DCAF6: variants seen among roughly 807,000 people sequenced by gnomAD.
DCAF6 encodes DDB1 and CUL4 associated factor 6, also known as DDB1- and CUL4-associated factor 6.
A neutral mutation model predicts 125.1 loss-of-function variants in DCAF6; 54 were observed. That is an observed-to-expected ratio of 0.43 (90% confidence interval 0.35 to 0.54). The LOEUF (loss-of-function observed/expected upper bound fraction) is 0.54. DCAF6 is among the 20% of genes least tolerant of loss of function. The pLI is 0.01. For missense variants in DCAF6, 934 were observed against 1,161.7 expected (o/e 0.80, Z 2.85); for synonymous variants, 371 against 390.4 (o/e 0.95, Z 0.58).
At chr1:167,971,103 G>A (rs1677234448) in intron 3 of DCAF6, among the ~76,000 whole-genome samples, 1 of 152,086 alleles carries the variant, frequency 6.6e-6, no homozygotes, top group Non-Finnish European at 1.5e-5. Context: ...GTGTGCTTTT[G>A]CTTATACTCT....
the DCAF6 span, among the ~76,000 whole-genome samples, chr1:167,926,911 A>C: frequency 6.6e-6 from 1 of 152,148 alleles, no homozygotes; most frequent in Non-Finnish European, 1.5e-5. Flanking sequence ...AACAAACAAA[A>C]AAACTCCAGG....
chr1:167,951,896 T>A, intron 2 of DCAF6, 35 bp downstream of exon 2: 1 of 1,434,032 alleles, frequency 7.0e-7, no homozygotes, highest in Non-Finnish European at 9.8e-7. Context: ...CTGAAGGGAT[T>A]TGATACTAAG....
the DCAF6 span, among the ~76,000 whole-genome samples, chr1:167,890,689 G>A: frequency 6.6e-6 from 1 of 152,274 alleles, no homozygotes; most frequent in Admixed American, 6.5e-5. Context: ...GATGCCATCT[G>A]GGAGTTTGGC....
At chr1:167,903,752 G>A in the DCAF6 span, 1 of 687,900 alleles carries the variant, frequency 1.5e-6, no homozygotes. Context: ...TTTCAAAAAA[G>A]ACTGGTTTTA....
chr1:168,000,151 G>A (rs930569670), intron 7 of DCAF6, among the ~76,000 whole-genome samples: 1 of 152,100 alleles, frequency 6.6e-6, no homozygotes, highest in Non-Finnish European at 1.5e-5. Context: ...GAGAGATGGG[G>A]AAACAGCTGG....
the DCAF6 span, among the ~76,000 whole-genome samples, chr1:167,884,503 A>C: frequency 1.3e-5 from 2 of 152,152 alleles, no homozygotes; most frequent in Admixed American, 6.5e-5. Flanking sequence ...ATACAAATCC[A>C]AACCATATCA....
chr1:167,960,560 C>G (rs761925958), intron 2 of DCAF6, among the ~76,000 whole-genome samples: 6 of 152,096 alleles, frequency 3.9e-5, no homozygotes, highest in Non-Finnish European at 7.4e-5. Flanking sequence ...TCTTGGCCTC[C>G]CAAAGTGGTG....
chr1:167,891,064 C>T, the DCAF6 span, among the ~76,000 whole-genome samples: 3 of 152,026 alleles, frequency 2.0e-5, no homozygotes, highest in Non-Finnish European at 2.9e-5. Context: ...TGGGTTCAAG[C>T]GATTCTCCTG....
At chr1:167,893,874 C>A in the DCAF6 span, 1 of 1,613,008 alleles carries the variant, frequency 6.2e-7, no homozygotes, top group Non-Finnish European at 8.5e-7. Flanking sequence ...TGCTTTCCAT[C>A]ACATACTTTT....
chr1:168,021,263 C>T (rs1005706842), intron 11 of DCAF6, among the ~76,000 whole-genome samples: 1 of 152,020 alleles, frequency 6.6e-6, no homozygotes, highest in East Asian at 1.9e-4. Context: ...TTATAGTTTT[C>T]TTACGGCTCT....
chr1:167,986,774 C>CTACG (rs1209604033), intron 4 of DCAF6, among the ~76,000 whole-genome samples: 1 of 152,176 alleles, frequency 6.6e-6, no homozygotes, highest in Non-Finnish European at 1.5e-5. Flanking sequence ...TCCTAACAGG[C>CTACG]TACGGACCAG....
chr1:167,940,172 A>G (rs779863487), intron 1 of DCAF6, among the ~76,000 whole-genome samples: 18 of 152,146 alleles, frequency 1.2e-4, no homozygotes, highest in Non-Finnish European at 2.2e-4. Flanking sequence ...AAAACTTCCT[A>G]TTATGTTGTG....
the DCAF6 span, among the ~76,000 whole-genome samples, chr1:167,900,660 G>T: frequency 6.6e-6 from 1 of 152,046 alleles, no homozygotes; most frequent in Non-Finnish European, 1.5e-5. Flanking sequence ...AGCCTCCCAA[G>T]TAGCTGAGAT....
At chr1:167,991,665 T>C (rs934994188) in intron 6 of DCAF6, among the ~76,000 whole-genome samples, 13 of 152,182 alleles carry the variant, frequency 8.5e-5, no homozygotes, top group East Asian at 3.9e-4. Flanking sequence ...GGATGTCTTA[T>C]GATTGGTTTC....
At chr1:167,884,800 C>T in the DCAF6 span, among the ~76,000 whole-genome samples, 98 of 150,492 alleles carry the variant, frequency 6.5e-4, no homozygotes, top group African/African-American at 2.2e-3. Context: ...TGGGTTCAAG[C>T]GATTCTCCTG....
chr1:168,027,695 G>T (rs1686521975), intron 12 of DCAF6, among the ~76,000 whole-genome samples: 1 of 151,978 alleles, frequency 6.6e-6, no homozygotes. Context: ...GGACAAAAAT[G>T]TTACTAATAA....
chr1:167,880,479 G>A, the DCAF6 span: 15 of 1,597,122 alleles, frequency 9.4e-6, no homozygotes, highest in Non-Finnish European at 9.4e-6. Context: ...TGGGACCAGG[G>A]TCAATACTCA....
chr1:167,894,000 G>T, the DCAF6 span: 5 of 1,172,978 alleles, frequency 4.3e-6, no homozygotes, highest in Non-Finnish European at 5.1e-6. Context: ...TGCAGTGCTA[G>T]TGAGAGGAGG....
chr1:167,939,457 G>T (rs1671893741), intron 1 of DCAF6, among the ~76,000 whole-genome samples: 1 of 151,944 alleles, frequency 6.6e-6, no homozygotes, highest in South Asian at 2.1e-4. Flanking sequence ...TAGATAAAAT[G>T]ACTTTTTAAA....
Sources: allele counts gnomAD v4.1 joint callset (sites outside exome capture counted in the v4.1 genomes callset), GRCh38; gene constraint gnomAD v4.1.1; transcripts MANE v1.5; gene names NCBI Gene and HGNC (gene_info 2026-07-23, HGNC 2026-07-21).